The following MBOAT1 variants were observed in gnomAD, a reference collection of about 807,000 sequenced individuals.
MBOAT1 encodes membrane-bound glycerophospholipid O-acyltransferase 1.
MBOAT1 carries 67 observed loss-of-function variants against 64.4 expected under a neutral mutation model. The ratio of observed to expected loss-of-function variants is 1.04; its 90% confidence interval spans 0.85 to 1.27. The LOEUF is 1.27. Among genes scored for constraint, MBOAT1 ranks in the 50% most tolerant of loss-of-function variants. The pLI, the probability that MBOAT1 is intolerant of heterozygous loss-of-function variation, is 0.00. For missense variants in MBOAT1, 563 were observed against 604.6 expected, an observed-to-expected ratio of 0.93 and a Z score of 0.72; for synonymous variants, 229 against 218.9, an observed-to-expected ratio of 1.05 and a Z score of -0.41.
At chr6:20,211,969 AACACACACACACACAC>A (rs57852903) in intron 1 of MBOAT1, 151 bp downstream of exon 1, 14 of 457,004 alleles carry the variant, frequency 3.1e-5, no homozygotes, top group African/African-American at 2.5e-4. Context: ...AAGAAGGGAA[AACACACACACACACAC>A]ACACACACAC....
At chr6:20,155,109 T>A (rs570298769) in intron 1 of MBOAT1, among the ~76,000 whole-genome samples, 8 of 152,234 alleles carry the variant, frequency 5.3e-5, no homozygotes, top group Non-Finnish European at 8.8e-5. Context: ...ATTGAGCATG[T>A]GCACATGAGG....
At chr6:20,111,435 T>C (rs1281996397) in intron 11 of MBOAT1, among the ~76,000 whole-genome samples, 1 of 152,142 alleles carries the variant, frequency 6.6e-6, no homozygotes, top group Non-Finnish European at 1.5e-5. Context: ...TCAATCTCCT[T>C]CCAGACAAAA....
intron 1 of MBOAT1, among the ~76,000 whole-genome samples, chr6:20,155,467 A>G (rs1050014238): frequency 6.6e-6 from 1 of 152,228 alleles, no homozygotes; most frequent in Non-Finnish European, 1.5e-5. Flanking sequence ...TCAAGAAGAG[A>G]AGACTTACAT....
At chr6:20,158,371 A>G (rs1256813439) in intron 1 of MBOAT1, among the ~76,000 whole-genome samples, 1 of 152,192 alleles carries the variant, frequency 6.6e-6, no homozygotes, top group Non-Finnish European at 1.5e-5. Context: ...GTATAACCAC[A>G]TACAGAAGAA....
chr6:20,178,429 CAAACATGTTGATAAATAAAAATA>C (rs1303437815), intron 1 of MBOAT1, among the ~76,000 whole-genome samples: 2 of 152,126 alleles, frequency 1.3e-5, no homozygotes, highest in Non-Finnish European at 2.9e-5. Flanking sequence ...AAATAAAAAT[CAAACATGTTGATAAATAAAAATA>C]AAACATGTTG....
At chr6:20,147,595 C>T (rs369732590) in intron 3 of MBOAT1, among the ~76,000 whole-genome samples, 20 of 151,444 alleles carry the variant, frequency 1.3e-4, no homozygotes, top group East Asian at 5.8e-4. Flanking sequence ...GCCAAGATTG[C>T]GCCATCGCAC....
intron 12 of MBOAT1, among the ~76,000 whole-genome samples, chr6:20,103,867 G>T (rs1225931362): frequency 6.6e-6 from 1 of 152,196 alleles, no homozygotes. Flanking sequence ...ATTTAGTACA[G>T]ACTAAGTGTA....
intron 7 of MBOAT1, among the ~76,000 whole-genome samples, 176 bp downstream of exon 7, chr6:20,126,341 C>T (rs887163028): frequency 5.9e-5 from 9 of 152,172 alleles, no homozygotes; most frequent in African/African-American, 1.9e-4. Flanking sequence ...AAAATAAACA[C>T]CCATTGCTGC....
At chr6:20,176,781 G>A (rs1035625781) in intron 1 of MBOAT1, among the ~76,000 whole-genome samples, 17 of 152,054 alleles carry the variant, frequency 1.1e-4, no homozygotes, top group Non-Finnish European at 2.2e-4. Flanking sequence ...GTGCCACCAC[G>A]CCCAGCTAGT....
At chr6:20,109,576 A>G in intron 12 of MBOAT1, 22 bp downstream of exon 12, 2 of 1,601,536 alleles carry the variant, frequency 1.2e-6, no homozygotes, top group South Asian at 2.2e-5. Flanking sequence ...CGAGATGGCA[A>G]CTGAGAACAA....
intron 9 of MBOAT1, among the ~76,000 whole-genome samples, chr6:20,118,055 A>G (rs992248152): frequency 6.6e-6 from 1 of 152,218 alleles, no homozygotes; most frequent in African/African-American, 2.4e-5. Context: ...TGCAATATTG[A>G]AATCAAAATA....
intron 1 of MBOAT1, among the ~76,000 whole-genome samples, chr6:20,173,953 TAA>T (rs1381348223): frequency 6.6e-6 from 1 of 151,752 alleles, no homozygotes; most frequent in Non-Finnish European, 1.5e-5. Flanking sequence ...CTGTCTCAAA[TAA>T]AGTACAAAGA....
chr6:20,142,541 C>T (rs1761207890), intron 4 of MBOAT1, among the ~76,000 whole-genome samples: 1 of 152,152 alleles, frequency 6.6e-6, no homozygotes, highest in Admixed American at 6.5e-5. Flanking sequence ...CCTCCGCCTC[C>T]CAGGGTAAAG....
chr6:20,127,315 T>C (rs1760683871), intron 6 of MBOAT1, among the ~76,000 whole-genome samples: 1 of 152,162 alleles, frequency 6.6e-6, no homozygotes, highest in Non-Finnish European at 1.5e-5. Context: ...AGGCCTGTTC[T>C]AGCAAGATAG....
At chr6:20,151,811 A>G (rs1761500700) in intron 2 of MBOAT1, among the ~76,000 whole-genome samples, 1 of 152,246 alleles carries the variant, frequency 6.6e-6, no homozygotes, top group African/African-American at 2.4e-5. Flanking sequence ...ACAATTGACC[A>G]GCTTTCTCTG....
chr6:20,124,387 C>T (rs1268481342), intron 8 of MBOAT1, 21 bp downstream of exon 8: 20 of 1,607,458 alleles, frequency 1.2e-5, no homozygotes, highest in Non-Finnish European at 1.6e-5. Context: ...CATTCAGTTA[C>T]AGCTACTCCA....
chr6:20,158,908 T>A (rs1761769698), intron 1 of MBOAT1, among the ~76,000 whole-genome samples: 1 of 151,752 alleles, frequency 6.6e-6, no homozygotes, highest in South Asian at 2.1e-4. Context: ...ATCAAAAAGA[T>A]GAAAGATAAC....
chr6:20,205,101 AG>A (rs1483472379), intron 1 of MBOAT1, among the ~76,000 whole-genome samples: 4 of 152,284 alleles, frequency 2.6e-5, no homozygotes, highest in South Asian at 4.1e-4. Context: ...TGGGAAGCTG[AG>A]GCAGGAGGAT....
At chr6:20,169,599 T>C (rs1412972699) in intron 1 of MBOAT1, among the ~76,000 whole-genome samples, 6 of 140,296 alleles carry the variant, frequency 4.3e-5, no homozygotes, top group Admixed American at 1.4e-4. Context: ...GTAACTACAA[T>C]TCTCCGTTAA....
Sources: gnomAD v4.1 joint callset for allele counts (sites outside exome capture counted in the v4.1 genomes callset) on GRCh38, gnomAD v4.1.1 for gene constraint, MANE v1.5 for transcripts, NCBI Gene and HGNC (gene_info 2026-07-23, HGNC 2026-07-21) for gene names.